Variants in PICALM observed in about 807,000 individuals in gnomAD.
PICALM encodes the protein phosphatidylinositol binding clathrin assembly protein, also known as phosphatidylinositol-binding clathrin assembly protein.
PICALM carries 40 observed loss-of-function variants against 80.5 expected under a neutral mutation model. The observed-to-expected ratio is 0.50, with a 90% CI of 0.39 to 0.65. PICALM has a LOEUF of 0.65. Among genes scored for constraint, PICALM ranks in the 30% least tolerant of loss-of-function variants. PICALM has a pLI of 0.00. For synonymous variants in PICALM, 288 were observed against 260.3 expected (o/e 1.11, Z -1.02); for missense variants, 676 against 778.9 (o/e 0.87, Z 1.57).
At chr11:85,967,180 TA>T in intron 19 of PICALM, among the ~76,000 whole-genome samples, 2 of 152,332 alleles carry the variant, frequency 1.3e-5, no homozygotes, top group South Asian at 4.1e-4. Context: ...AAGAAAAAGT[TA>T]AAGTTGGAGT....
At chr11:86,027,780 C>T (rs763678363) in intron 2 of PICALM, among the ~76,000 whole-genome samples, 8 of 152,252 alleles carry the variant, frequency 5.3e-5, no homozygotes, top group Middle Eastern at 6.8e-3. Flanking sequence ...CTTGGCCCCC[C>T]AAACTCTCAG....
In PICALM at chr11:85,958,221, G is replaced by T. The variant is rs1192532489; in HGVS notation, c.*825C>A. On this transcript the variant is annotated 3_prime_UTR_variant, in exon 20 of 20. Transcript: ENST00000393346. ...AAATGTAGTGCTTTTCCTAGTCAGT[G>T]AACTGTTCCCTGGCAAAATCCTAGG... The T allele has an allele frequency of 8.6e-5, 19 of 222,160 alleles. No homozygotes were observed. The highest frequency in any genetic ancestry group is 3.6e-4 in the African/African-American group (16 of 44,712). The allele number at this position is 222,160 out of a possible 1,614,324, so 13.8% of individuals were successfully genotyped here. A position where few individuals can be genotyped will look rare whatever the true frequency, so the allele number is the denominator to read the frequency against.
At chr11:85,980,705 T>C (rs946412776) in intron 17 of PICALM, among the ~76,000 whole-genome samples, 7 of 152,188 alleles carry the variant, frequency 4.6e-5, no homozygotes, top group South Asian at 2.1e-4. Context: ...GTCAGTAATA[T>C]AGAGTAGTGA....
At chr11:86,000,387 G>A (rs978170574) in intron 11 of PICALM, among the ~76,000 whole-genome samples, 1 of 152,190 alleles carries the variant, frequency 6.6e-6, no homozygotes, top group Non-Finnish European at 1.5e-5. Flanking sequence ...ACAATGAAAA[G>A]TTGGCCCAGA....
Position 85,996,442 on chromosome 11 carries a change from T to TA in PICALM, c.1258+383dup, listed in dbSNP as rs2094963336. ...TTTTATTAGAACTATATCATATACT[T>TA]AACACAAAGATAAGTTATTCCCCAA... On this transcript the variant is annotated intron_variant, in intron 12 of 19. Transcript: ENST00000393346. Among the ~76,000 whole-genome samples the TA allele has an allele frequency of 2.6e-5, 4 of 152,082 alleles. No individual in the cohort carries two copies. The South Asian group carries it at 8.3e-4, about 32-fold the overall frequency.
chr11:86,058,821 T>G (rs1348082198), intron 1 of PICALM, among the ~76,000 whole-genome samples: 2 of 152,186 alleles, frequency 1.3e-5, no homozygotes, highest in Non-Finnish European at 2.9e-5. Flanking sequence ...GACAGGCACC[T>G]TCTAGAGTTG....
chr11:86,016,230 C>A (rs2095479021), intron 4 of PICALM, among the ~76,000 whole-genome samples: 2 of 152,212 alleles, frequency 1.3e-5, no homozygotes, highest in Admixed American at 1.3e-4. Flanking sequence ...GACAACCAAT[C>A]CAACACCTTG....
chr11:86,051,020 T>C (rs1396933811), intron 1 of PICALM, among the ~76,000 whole-genome samples: 2 of 152,166 alleles, frequency 1.3e-5, no homozygotes, highest in East Asian at 1.9e-4. Context: ...CATTTCCTCC[T>C]AAAACAAGAA....
chr11:86,058,955 A>G (rs970570407), intron 1 of PICALM, among the ~76,000 whole-genome samples: 1 of 152,220 alleles, frequency 6.6e-6, no homozygotes, highest in African/African-American at 2.4e-5. Context: ...ATAGTGTTCA[A>G]CTGGAGCAGC....
chr11:86,040,912 G>A (rs1367651259), intron 1 of PICALM, among the ~76,000 whole-genome samples: 2 of 152,092 alleles, frequency 1.3e-5, no homozygotes, highest in Non-Finnish European at 2.9e-5. Flanking sequence ...ACTAAACTGA[G>A]GTCTTTGGGG....
intron 12 of PICALM, among the ~76,000 whole-genome samples, chr11:85,991,456 C>G (rs1484579295): frequency 1.3e-5 from 2 of 151,766 alleles, no homozygotes; most frequent in Non-Finnish European, 2.9e-5. Flanking sequence ...AGGACCAGCT[C>G]ATTTACTATG....
intron 3 of PICALM, among the ~76,000 whole-genome samples, chr11:86,024,807 T>A (rs1195420795): frequency 2.0e-5 from 3 of 152,230 alleles, no homozygotes; most frequent in Admixed American, 6.5e-5. Context: ...CACATCCATA[T>A]ACATCTGTGT....
chr11:86,019,615 T>C (rs983420683), intron 4 of PICALM, among the ~76,000 whole-genome samples: 1 of 152,196 alleles, frequency 6.6e-6, no homozygotes, highest in African/African-American at 2.4e-5. Flanking sequence ...AGGTTAAAAA[T>C]CAGACTTCTA....
At chr11:86,052,922 C>A (rs2096213237) in intron 1 of PICALM, among the ~76,000 whole-genome samples, 1 of 152,218 alleles carries the variant, frequency 6.6e-6, no homozygotes, top group Non-Finnish European at 1.5e-5. Flanking sequence ...TTCCTGTCTA[C>A]AAATGTTTGC....
At chr11:85,979,216 G>A (rs770730929) in intron 17 of PICALM, among the ~76,000 whole-genome samples, 6 of 152,288 alleles carry the variant, frequency 3.9e-5, no homozygotes, top group African/African-American at 1.2e-4. Flanking sequence ...TAGGCTGGGC[G>A]TGGTAGCTCA....
At position 85,958,931 on chromosome 11, in the gene PICALM, T is replaced by G; in HGVS notation, c.*115A>C. 1.4e-6 allele frequency: 1 copy of G among 691,674 alleles called. No individual in the cohort carries two copies. The highest frequency in any genetic ancestry group is 2.5e-6 in the Non-Finnish European group (1 of 403,366). 42.8% of individuals were successfully genotyped at this position (691,674 alleles called of 1,614,324 possible). A position where few individuals can be genotyped will look rare whatever the true frequency, so the allele number is the denominator to read the frequency against. ...CACTGAGTTACTTGTAGCATTCTAA[T>G]GGAAGAAGAGAGTTTAAGAGATTTA... On this transcript the variant is annotated 3_prime_UTR_variant, in exon 20 of 20. Coordinates refer to ENST00000393346, the MANE Select transcript of PICALM (RefSeq NM_007166.4).
upstream of PICALM, chr11:86,069,559 G>C (rs1410630569): frequency 6.6e-6 from 1 of 152,270 alleles, no homozygotes; most frequent in East Asian, 1.9e-4. Context: ...TAGGCCTCTG[G>C]CTCCCCGAGC....
intron 14 of PICALM, among the ~76,000 whole-genome samples, 154 bp downstream of exon 14, chr11:85,983,712 T>C (rs1367179741): frequency 6.6e-6 from 1 of 152,216 alleles, no homozygotes. Context: ...AAACAGCTCC[T>C]TGAAGTTCTC....
intron 1 of PICALM, 112 bp downstream of exon 1, chr11:86,068,539 A>G: frequency 9.9e-7 from 1 of 1,013,906 alleles, no homozygotes; most frequent in Non-Finnish European, 1.4e-6. Context: ...GTGCCAGAGA[A>G]GACGCAGGGA....
Sources: allele counts gnomAD v4.1 joint callset (sites outside exome capture counted in the v4.1 genomes callset), GRCh38; gene constraint gnomAD v4.1.1; transcripts MANE v1.5; gene names NCBI Gene and HGNC (gene_info 2026-07-23, HGNC 2026-07-21).